DOK5: variants seen among roughly 807,000 people sequenced by gnomAD.
DOK5 encodes docking protein 5, also known as downstream of tyrosine kinase 5.
In DOK5, 27 loss-of-function variants were observed where a neutral mutation model predicts 43.3. That is an observed-to-expected ratio of 0.62 (90% CI 0.46 to 0.86). The LOEUF (loss-of-function observed/expected upper bound fraction) is 0.86. Among genes scored for constraint, DOK5 ranks in the 40% least tolerant of loss-of-function variants. DOK5 has a pLI of 0.00. For synonymous variants in DOK5, 146 were observed against 140.1 expected (o/e 1.04, Z -0.30); for missense variants, 373 against 392.9 (o/e 0.95, Z 0.43).
chr20:54,648,571 G>C (rs201498979), intron 7 of DOK5, among the ~76,000 whole-genome samples: 2 of 152,046 alleles, frequency 1.3e-5, no homozygotes, highest in Non-Finnish European at 2.9e-5. Flanking sequence ...GTCAGCAAAT[G>C]CAAAGGCCCT....
chr20:54,598,907 G>A (rs907005698), intron 5 of DOK5, among the ~76,000 whole-genome samples: 3 of 152,092 alleles, frequency 2.0e-5, no homozygotes, highest in African/African-American at 7.2e-5. Context: ...CCTAAAACCA[G>A]CCTAATTGGT....
At chr20:54,563,668 T>A in intron 2 of DOK5, among the ~76,000 whole-genome samples, 1 of 148,996 alleles carries the variant, frequency 6.7e-6, no homozygotes, top group East Asian at 2.0e-4. Flanking sequence ...TGTCAGGTTT[T>A]TTTTTTTTTT....
intron 4 of DOK5, among the ~76,000 whole-genome samples, chr20:54,589,021 A>G (rs968863328): frequency 3.9e-5 from 6 of 152,302 alleles, no homozygotes; most frequent in Admixed American, 3.9e-4. Context: ...CTACATTAAT[A>G]ATATCAGTTA....
intron 6 of DOK5, among the ~76,000 whole-genome samples, chr20:54,616,784 C>CTTTTTTTTTTTTT (rs550110589): frequency 7.6e-5 from 8 of 105,760 alleles, no homozygotes; most frequent in Non-Finnish European, 1.1e-4. Context: ...TTTTTTTTTT[C>CTTTTTTTTTTTTT]TTTTTTTTTT....
chr20:54,595,338 T>A (rs1191172172), intron 5 of DOK5, among the ~76,000 whole-genome samples: 5 of 147,310 alleles, frequency 3.4e-5, no homozygotes, highest in East Asian at 2.0e-4. Flanking sequence ...AGACTCCATT[T>A]AAAAAAAAAA....
At chr20:54,566,241 A>G (rs762574154) in intron 2 of DOK5, among the ~76,000 whole-genome samples, 2 of 152,006 alleles carry the variant, frequency 1.3e-5, no homozygotes, top group Non-Finnish European at 2.9e-5. Flanking sequence ...TGCTGTGCAT[A>G]GCAATAGTCC....
At chr20:54,483,702 C>A (rs576113469) in intron 1 of DOK5, among the ~76,000 whole-genome samples, 2 of 152,176 alleles carry the variant, frequency 1.3e-5, no homozygotes, top group Admixed American at 1.3e-4. Context: ...GCGACCCCCC[C>A]GTTCCTGTGA....
At chr20:54,608,701 C>G (rs529743767) in intron 5 of DOK5, among the ~76,000 whole-genome samples, 32 of 148,242 alleles carry the variant, frequency 2.2e-4, no homozygotes, top group African/African-American at 8.0e-4. Context: ...GATGGCACCT[C>G]TCTCTGTCAC....
chr20:54,641,539 TATCATC>T (rs56910547), intron 6 of DOK5, among the ~76,000 whole-genome samples: 2,108 of 128,840 alleles, frequency 0.016, 53 homozygotes, highest in African/African-American at 0.05. Context: ...AATTTCTAAT[TATCATC>T]ATCATCATCA....
chr20:54,572,672 C>T (rs1466346408), intron 2 of DOK5, among the ~76,000 whole-genome samples: 2 of 152,058 alleles, frequency 1.3e-5, no homozygotes, highest in Admixed American at 6.5e-5. Context: ...CCACAAGCAA[C>T]GCAGGCAGCC....
chr20:54,549,004 T>A (rs916150670), intron 1 of DOK5, among the ~76,000 whole-genome samples: 3 of 152,214 alleles, frequency 2.0e-5, no homozygotes, highest in Non-Finnish European at 4.4e-5. Context: ...AGATGGCAGC[T>A]CATGCCGCTC....
intron 1 of DOK5, among the ~76,000 whole-genome samples, chr20:54,489,985 C>T (rs34683517): frequency 0.084 from 12,727 of 152,216 alleles, 598 homozygotes; most frequent in Middle Eastern, 0.13. Context: ...GCCTTTTCAA[C>T]GTTTTGCTAG....
intron 6 of DOK5, among the ~76,000 whole-genome samples, chr20:54,615,385 C>T (rs1174538655): frequency 6.6e-6 from 1 of 152,082 alleles, no homozygotes; most frequent in Non-Finnish European, 1.5e-5. Context: ...AGTTAAGGAT[C>T]CTGAGATGGC....
intron 2 of DOK5, among the ~76,000 whole-genome samples, chr20:54,559,127 T>C (rs972637966): frequency 6.6e-6 from 1 of 152,230 alleles, no homozygotes; most frequent in African/African-American, 2.4e-5. Context: ...ACTAGTTCCA[T>C]GTTTTCCTTC....
At chr20:54,589,093 A>T (rs188081855) in intron 4 of DOK5, among the ~76,000 whole-genome samples, 173 of 152,296 alleles carry the variant, frequency 1.1e-3, no homozygotes, top group South Asian at 5.2e-3. Context: ...ATCTCAGATT[A>T]TTTATTGTAC....
At chr20:54,490,206 T>A (rs1415549247) in intron 1 of DOK5, among the ~76,000 whole-genome samples, 1 of 152,192 alleles carries the variant, frequency 6.6e-6, no homozygotes, top group Admixed American at 6.5e-5. Context: ...TCCTGGGAAA[T>A]GGCTCAATGG....
At chr20:54,580,970 CT>C (rs1338234407) in intron 2 of DOK5, among the ~76,000 whole-genome samples, 2 of 152,104 alleles carry the variant, frequency 1.3e-5, no homozygotes, top group Middle Eastern at 3.4e-3. Flanking sequence ...GTCATAAAGC[CT>C]TTTCCCTCTG....
At chr20:54,556,235 T>C (rs1026171982) in intron 2 of DOK5, among the ~76,000 whole-genome samples, 1 of 152,178 alleles carries the variant, frequency 6.6e-6, no homozygotes, top group African/African-American at 2.4e-5. Context: ...CCAAGGCTTC[T>C]CCCACTCCCA....
chr20:54,565,830 C>T (rs1985074909), intron 2 of DOK5, among the ~76,000 whole-genome samples: 1 of 152,032 alleles, frequency 6.6e-6, no homozygotes, highest in Non-Finnish European at 1.5e-5. Flanking sequence ...TCCTGGCCAA[C>T]AGGGTGAAAC....
Sources: gnomAD v4.1 joint callset for allele counts (sites outside exome capture counted in the v4.1 genomes callset) on GRCh38, gnomAD v4.1.1 for gene constraint, MANE v1.5 for transcripts, NCBI Gene and HGNC (gene_info 2026-07-23, HGNC 2026-07-21) for gene names.